Variants in PEBP4 observed in about 807,000 individuals in gnomAD.
PEBP4 encodes phosphatidylethanolamine binding protein 4.
PEBP4 carries 22 observed loss-of-function variants against 23.9 expected under a neutral mutation model. The observed-to-expected ratio is 0.92, with a 90% CI of 0.66 to 1.31. The LOEUF (loss-of-function observed/expected upper bound fraction) is 1.31. Ranked by LOEUF, PEBP4 falls within the 40% of genes most tolerant of loss-of-function variation. The probability of loss-of-function intolerance (pLI) is 0.00; values close to 1 mark genes in which losing one functional copy is unlikely to be tolerated. For synonymous variants in PEBP4, 112 were observed against 99.3 expected (o/e 1.13, Z -0.76); for missense variants, 324 against 281.7 (o/e 1.15, Z -1.07).
At chr8:22,876,889 G>C (rs1435335906) in intron 3 of PEBP4, among the ~76,000 whole-genome samples, 1 of 152,154 alleles carries the variant, frequency 6.6e-6, no homozygotes, top group African/African-American at 2.4e-5. Flanking sequence ...GCTGTGTGAG[G>C]CTGGACTAGT....
chr8:22,769,854 G>A (rs1006066121), intron 4 of PEBP4, among the ~76,000 whole-genome samples: 7 of 152,082 alleles, frequency 4.6e-5, no homozygotes, highest in African/African-American at 9.7e-5. Flanking sequence ...AAAGAAAGCC[G>A]TCATCCTTCC....
chr8:22,732,248 G>A (rs979474140), intron 4 of PEBP4, among the ~76,000 whole-genome samples: 3 of 152,166 alleles, frequency 2.0e-5, no homozygotes, highest in Admixed American at 6.5e-5. Flanking sequence ...CTCCTAGCAA[G>A]GGAAGGGAGG....
At chr8:22,898,361 C>T in intron 3 of PEBP4, among the ~76,000 whole-genome samples, 1 of 135,432 alleles carries the variant, frequency 7.4e-6, no homozygotes, top group Non-Finnish European at 1.5e-5. Flanking sequence ...CGCTGCACTC[C>T]AGCCTGAGCG....
At chr8:22,830,170 G>A (rs912881639) in intron 3 of PEBP4, among the ~76,000 whole-genome samples, 16 of 147,454 alleles carry the variant, frequency 1.1e-4, no homozygotes, top group Non-Finnish European at 1.5e-4. Flanking sequence ...TGCTCTTGTT[G>A]TCAGGCTGGA....
intron 4 of PEBP4, among the ~76,000 whole-genome samples, chr8:22,804,234 G>A (rs909408002): frequency 6.6e-6 from 1 of 152,174 alleles, no homozygotes; most frequent in African/African-American, 2.4e-5. Flanking sequence ...AGGAGGCTGA[G>A]GCAGGAGGAT....
chr8:22,928,340 G>A (rs1337335859), upstream of PEBP4, among the ~76,000 whole-genome samples: 6 of 152,186 alleles, frequency 3.9e-5, no homozygotes, highest in East Asian at 1.9e-4. Context: ...ACCCCAGACC[G>A]AGGCCAGCTC....
chr8:22,728,559 T>TTCCTTCCTTCCTTCCTTCCTTCCTTC (rs1804667047), intron 4 of PEBP4, among the ~76,000 whole-genome samples: 18 of 96,348 alleles, frequency 1.9e-4, no homozygotes, highest in Admixed American at 5.7e-4. Context: ...TTTCTTTCTT[T>TTCCTTCCTTCCTTCCTTCCTTCCTTC]CTTCCTTCCT....
At chr8:22,932,389 A>C (rs1042405583), upstream of PEBP4, among the ~76,000 whole-genome samples, 1 of 152,232 alleles carries the variant, frequency 6.6e-6, no homozygotes, top group Non-Finnish European at 1.5e-5. Context: ...TATACACTTC[A>C]AAATTTATGA....
Position 22,927,519 on chromosome 8 carries a change from C to T in PEBP4, c.131+65G>A, listed in dbSNP as rs1809368656. On this transcript the variant is annotated intron_variant, in intron 2 of 6. Coordinates refer to ENST00000256404, the MANE Select transcript of PEBP4 (RefSeq NM_144962.3). ...GGTGCTTCTTGGTTCTGGATATACC[C>T]CTCCCTGCCATCTACCTGCCTGGTA... 1.9e-6 allele frequency: 3 copies of T among 1,547,150 alleles called. No homozygotes were observed. The South Asian group carries it at 3.7e-5, about 19-fold the overall frequency.
intron 3 of PEBP4, among the ~76,000 whole-genome samples, chr8:22,847,634 T>C (rs1457621762): frequency 6.6e-6 from 1 of 151,848 alleles, no homozygotes; most frequent in African/African-American, 2.4e-5. Flanking sequence ...CAAGAGAGAG[T>C]CACCAGGCAG....
At chr8:22,917,714 T>C (rs2457423) in intron 3 of PEBP4, among the ~76,000 whole-genome samples, 102,070 of 152,100 alleles carry the variant, frequency 0.67, 35,348 homozygotes, top group East Asian at 0.78. Context: ...CATCCTCCTC[T>C]ACTCTCAGTC....
Position 22,937,798 on chromosome 8 carries a change from A to ATG in PEBP4, c.145-10080_145-10079dup, listed in dbSNP as rs55794481. ...CCCTCATATGTGTGTATGTGTATGT[A>ATG]TGTGTGTGTGTGTGTGTGTGTGTGT... On this transcript the variant is annotated intron_variant, in intron 1 of 1. Transcript: ENST00000522278. Among the ~76,000 whole-genome samples the ATG allele has an allele frequency of 4.6e-3, 690 of 150,522 alleles. 2 individuals are homozygous for ATG. Among genetic ancestry groups the ATG allele is most frequent in the Admixed American group, 7.7e-3 (117 of 15,118 alleles).
At chr8:22,902,203 C>T (rs1434713347) in intron 3 of PEBP4, among the ~76,000 whole-genome samples, 2 of 152,144 alleles carry the variant, frequency 1.3e-5, no homozygotes, top group African/African-American at 4.8e-5. Context: ...GTGGTGCACG[C>T]CTGTAATCCC....
chr8:22,797,253 CAAAAAAAA>C (rs57749113), intron 4 of PEBP4, among the ~76,000 whole-genome samples: 1 of 114,400 alleles, frequency 8.7e-6, no homozygotes, highest in African/African-American at 3.3e-5. Flanking sequence ...AACTCTGTCT[CAAAAAAAA>C]AAAAAAAAAA....
chr8:22,785,370 C>T (rs1455527887), intron 4 of PEBP4, among the ~76,000 whole-genome samples: 1 of 152,172 alleles, frequency 6.6e-6, no homozygotes, highest in Non-Finnish European at 1.5e-5. Flanking sequence ...CCAAGTGCCC[C>T]TCTGCATTTC....
intron 3 of PEBP4, among the ~76,000 whole-genome samples, chr8:22,902,396 T>C (rs978051100): frequency 1.3e-5 from 2 of 152,212 alleles, no homozygotes; most frequent in African/African-American, 2.4e-5. Context: ...CCCCATGTCA[T>C]GTCCGTAATG....
chr8:22,772,052 G>A (rs528713330), intron 4 of PEBP4, among the ~76,000 whole-genome samples: 1 of 152,296 alleles, frequency 6.6e-6, no homozygotes, highest in African/African-American at 2.4e-5. Context: ...TCTTTCCAGG[G>A]TGAAGCCAAG....
At chr8:22,769,199 A>C (rs1036613795) in intron 4 of PEBP4, among the ~76,000 whole-genome samples, 2 of 152,072 alleles carry the variant, frequency 1.3e-5, no homozygotes, top group African/African-American at 4.8e-5. Context: ...CCTCAGCCTC[A>C]CGCTCCCTGG....
At chr8:22,924,925 A>G (rs913385496) in intron 2 of PEBP4, 1 of 985,228 alleles carries the variant, frequency 1.0e-6, no homozygotes, top group African/African-American at 1.7e-5. Flanking sequence ...CCTCCCTTAT[A>G]GATTAATACC....
Sources: allele counts gnomAD v4.1 joint callset (sites outside exome capture counted in the v4.1 genomes callset), GRCh38; gene constraint gnomAD v4.1.1; transcripts MANE v1.5; gene names NCBI Gene and HGNC (gene_info 2026-07-23, HGNC 2026-07-21).